The following CSMD1 variants were observed in gnomAD, a reference collection of about 807,000 sequenced individuals.
CSMD1 encodes the protein CUB and sushi domain-containing protein 1.
A neutral mutation model predicts 417.5 loss-of-function variants in CSMD1; 213 were observed. The observed-to-expected ratio is 0.51, with a 90% CI of 0.46 to 0.57. The LOEUF (loss-of-function observed/expected upper bound fraction) is 0.57, where lower values mean the gene tolerates loss of function less well. Ranked by LOEUF, CSMD1 falls within the 20% of genes least tolerant of loss-of-function variation. The pLI is 0.00. For missense variants in CSMD1, 6,923 were observed against 4,529.7 expected (o/e 1.53, Z -15.17); for synonymous variants, 2,862 against 1,736.8 (o/e 1.65, Z -16.11).
intron 5 of CSMD1, among the ~76,000 whole-genome samples, chr8:3,897,286 A>C (rs550706082): frequency 1.6e-3 from 240 of 152,286 alleles, no homozygotes; most frequent in Non-Finnish European, 2.6e-3. Context: ...TTAATTATCT[A>C]CACTTAAGAG....
intron 54 of CSMD1, among the ~76,000 whole-genome samples, chr8:2,980,315 T>TCTC (rs146468031): frequency 0.12 from 17,301 of 148,900 alleles, 969 homozygotes; most frequent in East Asian, 0.13. Context: ...TGCCACCATT[T>TCTC]CTCCTCCTCC....
At chr8:3,311,781 T>TATCA (rs76206030) in intron 23 of CSMD1, among the ~76,000 whole-genome samples, 15,632 of 152,220 alleles carry the variant, frequency 0.1, 992 homozygotes, top group Non-Finnish European at 0.14. Flanking sequence ...CAGAAGCGTT[T>TATCA]ATCAATCATA....
intron 5 of CSMD1, among the ~76,000 whole-genome samples, chr8:3,844,242 T>C (rs753143175): frequency 1.3e-5 from 2 of 152,160 alleles, no homozygotes; most frequent in Non-Finnish European, 1.5e-5. Flanking sequence ...AAAATCTCTG[T>C]TGAGAGCAAG....
At chr8:3,619,561 A>G (rs1188208029) in intron 7 of CSMD1, among the ~76,000 whole-genome samples, 1 of 152,180 alleles carries the variant, frequency 6.6e-6, no homozygotes, top group African/African-American at 2.4e-5. Flanking sequence ...AACTTTCCAA[A>G]TTTGAGGAAA....
At chr8:4,444,346 C>CAAAAAAAAAAAAAAAAAAAAAAAAA (rs112028005) in intron 2 of CSMD1, among the ~76,000 whole-genome samples, 9 of 46,278 alleles carry the variant, frequency 1.9e-4, no homozygotes, top group African/African-American at 5.7e-4. Flanking sequence ...GACTCCATCT[C>CAAAAAAAAAAAAAAAAAAAAAAAAA]AAAAAAAAAA....
chr8:3,848,077 C>CTT (rs1803633681), intron 5 of CSMD1, among the ~76,000 whole-genome samples: 1 of 139,990 alleles, frequency 7.1e-6, no homozygotes, highest in Non-Finnish European at 1.6e-5. Context: ...ATTTCTCTCT[C>CTT]TCTCTCTCTC....
At chr8:4,304,485 C>T (rs1798141728) in intron 3 of CSMD1, among the ~76,000 whole-genome samples, 1 of 152,178 alleles carries the variant, frequency 6.6e-6, no homozygotes, top group Non-Finnish European at 1.5e-5. Context: ...AGAGTCCCAT[C>T]CTGACACAAA....
At chr8:3,785,393 G>A (rs745363538) in intron 5 of CSMD1, among the ~76,000 whole-genome samples, 273 of 152,112 alleles carry the variant, frequency 1.8e-3, no homozygotes, top group Non-Finnish European at 3.4e-3. Context: ...GGCCATCAAG[G>A]GTCTGTTCTG....
rs35892603 is a variant in CSMD1 at position 3,959,010 on chromosome 8, C to G, written c.818+38893G>C. Among the ~76,000 whole-genome samples the G allele has an allele frequency of 3.2e-3, 481 of 152,296 alleles. 22 individuals carry two copies. The East Asian group carries it at 0.084, about 27-fold the overall frequency. On this transcript the variant is annotated intron_variant, in intron 5 of 69. Coordinates refer to ENST00000635120, the MANE Select transcript of CSMD1 (RefSeq NM_033225.6). ...CTTCTCCCATGCGTCTCCCTCCTCC[C>G]TACTCTGCGGCGGCTTCTCCATGCT...
intron 2 of CSMD1, among the ~76,000 whole-genome samples, chr8:4,580,540 G>T (rs547795609): frequency 4.6e-5 from 7 of 152,152 alleles, no homozygotes; most frequent in African/African-American, 9.7e-5. Flanking sequence ...CCCAGCTTGA[G>T]TTGTTCCCCA....
At chr8:4,726,620 A>C (rs2116934703) in intron 1 of CSMD1, among the ~76,000 whole-genome samples, 1 of 152,144 alleles carries the variant, frequency 6.6e-6, no homozygotes, top group East Asian at 1.9e-4. Flanking sequence ...AAAGATAGAA[A>C]CCCTGAATCA....
intron 2 of CSMD1, among the ~76,000 whole-genome samples, chr8:4,566,791 G>A (rs778222216): frequency 4.4e-4 from 66 of 151,582 alleles, no homozygotes; most frequent in Non-Finnish European, 7.9e-4. Flanking sequence ...AAAATCGTAT[G>A]TTTGTTTGCA....
chr8:4,096,787 T>G (rs1449901869), intron 3 of CSMD1, among the ~76,000 whole-genome samples: 1 of 152,226 alleles, frequency 6.6e-6, no homozygotes, highest in Admixed American at 6.5e-5. Context: ...CTTGCGGAGT[T>G]GCACTCCGAC....
At chr8:3,594,150 C>T (rs553356222) in intron 8 of CSMD1, among the ~76,000 whole-genome samples, 23 of 152,324 alleles carry the variant, frequency 1.5e-4, no homozygotes, top group African/African-American at 5.1e-4. Flanking sequence ...CCATGGGCCT[C>T]TGCTATGCCC....
intron 27 of CSMD1, 117 bp from the exon 28 acceptor site, chr8:3,223,984 G>T: frequency 2.2e-6 from 2 of 926,088 alleles, no homozygotes; most frequent in Non-Finnish European, 3.2e-6. Context: ...ATTTTTACCA[G>T]TCCAAGAGAT....
chr8:4,834,002 T>G (rs756138445), intron 1 of CSMD1, among the ~76,000 whole-genome samples: 2 of 152,186 alleles, frequency 1.3e-5, no homozygotes, highest in South Asian at 4.1e-4. Flanking sequence ...CCCATTTTTA[T>G]AAAAATAGAC....
chr8:3,966,236 C>T (rs113171186), intron 5 of CSMD1, among the ~76,000 whole-genome samples: 35 of 152,196 alleles, frequency 2.3e-4, no homozygotes, highest in African/African-American at 6.5e-4. Flanking sequence ...AAATGATTTC[C>T]GCCCATATTT....
intron 5 of CSMD1, among the ~76,000 whole-genome samples, chr8:3,985,119 C>A (rs1032659500): frequency 6.6e-5 from 10 of 151,954 alleles, no homozygotes; most frequent in African/African-American, 2.4e-4. Flanking sequence ...AAGAATTACA[C>A]CATAGATCAT....
intron 17 of CSMD1, among the ~76,000 whole-genome samples, chr8:3,389,098 A>AT (rs1328153902): frequency 6.6e-6 from 1 of 152,018 alleles, no homozygotes. Flanking sequence ...TGGGTGAATG[A>AT]TTTTTTGTTG....
Sources: allele counts gnomAD v4.1 joint callset (sites outside exome capture counted in the v4.1 genomes callset), GRCh38; gene constraint gnomAD v4.1.1; transcripts MANE v1.5; gene names NCBI Gene and HGNC (gene_info 2026-07-23, HGNC 2026-07-21).